The following SLC35F1 variants were observed in gnomAD, a reference collection of about 807,000 sequenced individuals.
SLC35F1 encodes chromosome 6 open reading frame 169.
Under a neutral mutation model 48.7 loss-of-function variants are expected in SLC35F1, and 14 were observed. That is an observed-to-expected ratio of 0.29 (90% CI 0.19 to 0.45). SLC35F1 has a LOEUF of 0.45. Ranked by LOEUF, SLC35F1 falls within the 20% of genes least tolerant of loss-of-function variation. SLC35F1 has a pLI of 1.00. For missense variants in SLC35F1, 404 were observed against 500.0 expected, an observed-to-expected ratio of 0.81 and a Z score of 1.83; for synonymous variants, 190 against 202.2, an observed-to-expected ratio of 0.94 and a Z score of 0.51.
At chr6:117,935,038 C>A (rs530353227) in intron 1 of SLC35F1, among the ~76,000 whole-genome samples, 2 of 152,170 alleles carry the variant, frequency 1.3e-5, no homozygotes, top group Non-Finnish European at 2.9e-5. Flanking sequence ...ACCTGGGAGG[C>A]AGAGGTTGCA....
chr6:118,206,879 T>C (rs768080737), intron 2 of SLC35F1, among the ~76,000 whole-genome samples: 14 of 152,124 alleles, frequency 9.2e-5, no homozygotes, highest in Non-Finnish European at 1.5e-4. Flanking sequence ...ATTTAGAAAA[T>C]TCAGGATTAA....
intron 7 of SLC35F1, among the ~76,000 whole-genome samples, chr6:118,311,017 C>G (rs753381090): frequency 4.6e-5 from 7 of 152,192 alleles, no homozygotes; most frequent in African/African-American, 1.7e-4. Context: ...TTTCCTGTCT[C>G]TACCACTACA....
intron 1 of SLC35F1, among the ~76,000 whole-genome samples, chr6:117,997,035 A>C (rs1366513454): frequency 6.6e-6 from 1 of 152,172 alleles, no homozygotes; most frequent in African/African-American, 2.4e-5. Context: ...AAAAAAATTT[A>C]GATGAATGTA....
rs1022422230 is a variant in SLC35F1 at position 118,314,090 on chromosome 6, C to T, written c.1065C>T (p.Ser355=). 1.2e-6 allele frequency: 2 copies of T among 1,614,162 alleles called. No individual in the cohort carries two copies. Among genetic ancestry groups the T allele is most frequent in the Middle Eastern group, 1.6e-4 (1 of 6,062 alleles). Residue 355 remains serine, a synonymous_variant, in exon 8 of 8, where the codon TCC becomes TCT. Coordinates refer to ENST00000360388, the MANE Select transcript of SLC35F1 (RefSeq NM_001029858.4). ...TILIGLVLYS[S]TSTYIAQDPR... ...TCATTGGGCTGGTGCTCTACTCCTC[C>T]ACCTCCACCTACATAGCCCAGGACC...
At chr6:118,281,904 TTAATTAC>T (rs1775989162) in intron 6 of SLC35F1, among the ~76,000 whole-genome samples, 1 of 152,216 alleles carries the variant, frequency 6.6e-6, no homozygotes, top group Non-Finnish European at 1.5e-5. Context: ...GTTGTGGAGA[TTAATTAC>T]TGTACATAAA....
chr6:117,971,026 G>T (rs1053528034), intron 1 of SLC35F1, among the ~76,000 whole-genome samples: 1 of 152,028 alleles, frequency 6.6e-6, no homozygotes, highest in East Asian at 1.9e-4. Context: ...TAATCCAAAA[G>T]TCCAATTCCA....
intron 7 of SLC35F1, among the ~76,000 whole-genome samples, chr6:118,310,272 TC>T (rs2114670884): frequency 6.6e-6 from 1 of 152,288 alleles, no homozygotes; most frequent in East Asian, 1.9e-4. Flanking sequence ...CAGCTTTCAG[TC>T]CTCATATAGC....
chr6:118,010,997 T>A (rs34358304), intron 1 of SLC35F1, among the ~76,000 whole-genome samples: 54,099 of 152,028 alleles, frequency 0.36, 9,930 homozygotes, highest in African/African-American at 0.44. Context: ...GTTAGAGCCT[T>A]GGCAGATGGA....
chr6:118,150,954 C>T (rs1346850739), intron 1 of SLC35F1, among the ~76,000 whole-genome samples: 2 of 152,134 alleles, frequency 1.3e-5, no homozygotes, highest in African/African-American at 4.8e-5. Context: ...TCTTGGTTTT[C>T]ATGACACCAA....
At position 118,269,317 on chromosome 6, in the gene SLC35F1, A is replaced by G. The variant is rs376739298; in HGVS notation, c.637+2163A>G. On this transcript the variant is annotated intron_variant, in intron 4 of 7. Transcript: ENST00000360388. ...CCATGTGAATCTGCTTAAGGCCCAC[A>G]GCATCATTGCTTTTGTGATATACAA... 9.2e-5 allele frequency among the ~76,000 whole-genome samples: 14 copies of G among 152,358 alleles called. No homozygotes were observed. In the East Asian group the frequency reaches 2.7e-3, roughly 29 times the overall value.
Position 117,907,476 on chromosome 6 carries a change from G to T in SLC35F1, c.-251G>T. On this transcript the variant is annotated 5_prime_UTR_variant, in exon 1 of 8. Transcript: ENST00000360388. Reference sequence around the variant, plus strand: ...GACTTGGGGACGCGGCTCGGGAAGAGCCGGGGCGGGCGGCGGCGGCGGCGG... The same window carrying T: ...GACTTGGGGACGCGGCTCGGGAAGATCCGGGGCGGGCGGCGGCGGCGGCGG... The T allele has an allele frequency of 7.6e-6, 2 of 261,530 alleles. No individual in the cohort carries two copies. Among genetic ancestry groups the T allele is most frequent in the Non-Finnish European group, 1.4e-5 (2 of 141,136 alleles). 16.2% of individuals were successfully genotyped at this position (261,530 alleles called of 1,614,324 possible).
intron 1 of SLC35F1, among the ~76,000 whole-genome samples, chr6:118,065,797 G>C (rs1166711574): frequency 6.6e-6 from 1 of 152,210 alleles, no homozygotes; most frequent in Non-Finnish European, 1.5e-5. Flanking sequence ...AAATTATGCT[G>C]TTAATTTGAA....
chr6:118,094,872 G>T (rs1375303345), intron 1 of SLC35F1, among the ~76,000 whole-genome samples: 2 of 152,052 alleles, frequency 1.3e-5, no homozygotes, highest in African/African-American at 4.8e-5. Flanking sequence ...GGAGGCTGAG[G>T]TAGGAGAGTC....
chr6:118,125,227 A>G (rs1339758032), intron 1 of SLC35F1, among the ~76,000 whole-genome samples: 1 of 152,218 alleles, frequency 6.6e-6, no homozygotes, highest in East Asian at 1.9e-4. Flanking sequence ...TACTGATTCA[A>G]AACTCCTATA....
intron 6 of SLC35F1, among the ~76,000 whole-genome samples, chr6:118,278,543 T>G (rs1775944952): frequency 6.6e-6 from 1 of 152,226 alleles, no homozygotes; most frequent in African/African-American, 2.4e-5. Context: ...GCCACAGAAC[T>G]GTGCCTGACT....
chr6:118,136,503 G>T (rs1562301158), intron 1 of SLC35F1, among the ~76,000 whole-genome samples: 1 of 152,136 alleles, frequency 6.6e-6, no homozygotes, highest in Non-Finnish European at 1.5e-5. Flanking sequence ...TCATAGTTGA[G>T]TCACGTTATT....
chr6:118,247,902 TA>T (rs1775528615), intron 3 of SLC35F1, among the ~76,000 whole-genome samples: 1 of 152,262 alleles, frequency 6.6e-6, no homozygotes, highest in Non-Finnish European at 1.5e-5. Flanking sequence ...AGTTTCTTTA[TA>T]ATTTATCCTT....
At chr6:118,090,828 T>C (rs1773062261) in intron 1 of SLC35F1, among the ~76,000 whole-genome samples, 1 of 152,150 alleles carries the variant, frequency 6.6e-6, no homozygotes, top group African/African-American at 2.4e-5. Flanking sequence ...ATGTGGAGAA[T>C]GGACAATGGG....
chr6:118,275,303 C>T (rs1775906834), intron 4 of SLC35F1, among the ~76,000 whole-genome samples, 156 bp from the exon 5 acceptor site: 1 of 152,102 alleles, frequency 6.6e-6, no homozygotes, highest in Admixed American at 6.6e-5. Context: ...GTCTAGAGCA[C>T]AGATAAACTT....
Sources: gnomAD v4.1 joint callset for allele counts (sites outside exome capture counted in the v4.1 genomes callset) on GRCh38, gnomAD v4.1.1 for gene constraint, MANE v1.5 for transcripts, NCBI Gene and HGNC (gene_info 2026-07-23, HGNC 2026-07-21) for gene names.